CABLES2: variants seen among roughly 807,000 people sequenced by gnomAD.
CABLES2 encodes the protein Cdk5 and Abl enzyme substrate 2, also known as CDK5 and ABL1 enzyme substrate 2.
CABLES2 carries 35 observed loss-of-function variants against 44.8 expected under a neutral mutation model. The ratio of observed to expected loss-of-function variants is 0.78; its 90% confidence interval spans 0.60 to 1.04. CABLES2 has a LOEUF of 1.04. CABLES2 is among the 50% of genes least tolerant of loss of function. The pLI, the probability that CABLES2 is intolerant of heterozygous loss-of-function variation, is 0.00. For synonymous variants in CABLES2, 282 were observed against 281.1 expected, an observed-to-expected ratio of 1.00 and a Z score of -0.03; for missense variants, 566 against 615.7, an observed-to-expected ratio of 0.92 and a Z score of 0.85.
Position 62,394,164 on chromosome 20 carries a change from T to C in CABLES2, c.707A>G (p.Asp236Gly). Residue 236 changes from aspartate to glycine, a missense_variant, in exon 5 of 10, where the codon GAC becomes GGC. Asp to Gly is a moderately conservative substitution (Grantham distance 94). Around this residue, in one of 2 missense-constraint regions of CABLES2, gnomAD observed 436 missense variants for 536.3 expected, o/e 0.81. Coordinates refer to ENST00000279101, the MANE Select transcript of CABLES2 (RefSeq NM_031215.3). ...FELEGVELGADGKVVSYAKFL... is the reference protein window; with the variant it reads ...FELEGVELGAGGKVVSYAKFL... ...CAGCGAAGAGGCTCTTACCTTCCCG[T>C]CTGCTCCTAGCTCCACACCTTCTAG... The C allele has an allele frequency of 6.2e-7, 1 of 1,613,194 alleles. No individual in the cohort carries two copies. The highest frequency in any genetic ancestry group is 8.5e-7 in the Non-Finnish European group (1 of 1,179,814).
chr20:62,393,968 C>G (rs1425390563), intron 5 of CABLES2, among the ~76,000 whole-genome samples, 189 bp downstream of exon 5: 1 of 152,160 alleles, frequency 6.6e-6, no homozygotes, highest in Non-Finnish European at 1.5e-5. Context: ...CACGGCCAGG[C>G]GGGGGAGTCC....
At chr20:62,394,358 G>C (rs1441911976) in intron 4 of CABLES2, 93 bp from the exon 5 acceptor site, 1 of 951,216 alleles carries the variant, frequency 1.1e-6, no homozygotes. Flanking sequence ...AGGTGCTCTC[G>C]GGAACAATGT....
chr20:62,396,755 G>A lies in CABLES2; in HGVS notation c.363-163C>T, dbSNP rs1988029226. On this transcript the variant is annotated intron_variant, in intron 1 of 9. Transcript: ENST00000279101. This position sits in a 1 kb window ranked among gnomAD's most constrained non-coding sequence, Gnocchi z 5.7. ...CAGAGCCCATGCAGACTGAGGCGGG[G>A]AGGAGGGGCACCTCCTGCCTTGAGA... 6.6e-6 allele frequency among the ~76,000 whole-genome samples: 1 copy of A among 152,178 alleles called. No individual in the cohort carries two copies. The highest frequency in any genetic ancestry group is 2.1e-4 in the South Asian group (1 of 4,836).
Position 62,391,741 on chromosome 20 carries a change from C to T in CABLES2, c.1092-288G>A, listed in dbSNP as rs1240222308. ...GTGGAGCCACAGAGGACAGGCTCTGCTCTCGGTGGGGGGCAGTGGTCTCTG... is the reference window on the plus strand; with the variant it reads ...GTGGAGCCACAGAGGACAGGCTCTGTTCTCGGTGGGGGGCAGTGGTCTCTG... On this transcript the variant is annotated intron_variant, in intron 8 of 9. Coordinates refer to ENST00000279101, the MANE Select transcript of CABLES2 (RefSeq NM_031215.3). The surrounding 1 kb of genome is among the most constrained non-coding windows in gnomAD (Gnocchi z 5.7). Among the ~76,000 whole-genome samples, 2 of 151,996 alleles carry T rather than the reference C, an allele frequency of 1.3e-5. No homozygotes were observed. The highest frequency in any genetic ancestry group is 3.9e-4 in the East Asian group (2 of 5,170).
At position 62,390,892 on chromosome 20, in the gene CABLES2, G is replaced by C; in HGVS notation, c.*79C>G. On this transcript the variant is annotated 3_prime_UTR_variant, in exon 10 of 10. Coordinates refer to ENST00000279101, the MANE Select transcript of CABLES2 (RefSeq NM_031215.3). ...GCAGGTGCTGGGGGTGCTGGCAGGA[G>C]GAGGCGCGGGGCTTCAGTGGGACAC... 1 of 1,559,618 alleles carries C rather than the reference G, an allele frequency of 6.4e-7. No homozygotes were observed. The highest frequency in any genetic ancestry group is 8.8e-7 in the Non-Finnish European group (1 of 1,139,248).
At position 62,396,281 on chromosome 20, in the gene CABLES2, C is replaced by T. The variant is rs199767776; in HGVS notation, c.527+34G>A. The T allele has an allele frequency of 5.9e-5, 94 of 1,583,654 alleles. No homozygotes were observed. The African/African-American group carries it at 9.8e-4, about 17-fold the overall frequency. Reference sequence around the variant, plus strand: ...GGACCCCGTGGGCTTATGGAGACCACAGCCCTGGCCCGGTTCCCGGCTCCG... The same window carrying T: ...GGACCCCGTGGGCTTATGGAGACCATAGCCCTGGCCCGGTTCCCGGCTCCG... On this transcript the variant is annotated intron_variant, in intron 3 of 9. Coordinates refer to ENST00000279101, the MANE Select transcript of CABLES2 (RefSeq NM_031215.3). The surrounding 1 kb of genome is among the most constrained non-coding windows in gnomAD (Gnocchi z 5.7).
chr20:62,392,230 T>G (rs972012718), intron 8 of CABLES2, among the ~76,000 whole-genome samples, 159 bp downstream of exon 8: 16 of 25,230 alleles, frequency 6.3e-4, no homozygotes, highest in South Asian at 1.0e-3. Context: ...GCGGTGGAGG[T>G]GGGGGAGCTG....
intron 4 of CABLES2, 23 bp downstream of exon 4, chr20:62,394,914 C>T (rs375959062): frequency 6.2e-6 from 10 of 1,607,008 alleles, no homozygotes; most frequent in African/African-American, 1.3e-5. Context: ...ACACCGCATG[C>T]GAGGCAAGCG....
At chr20:62,400,309 C>A (rs984255536) in intron 1 of CABLES2, among the ~76,000 whole-genome samples, 6 of 152,152 alleles carry the variant, frequency 3.9e-5, no homozygotes, top group African/African-American at 9.7e-5. Context: ...GGGTAGGCAG[C>A]AGGCTCTGAG....
chr20:62,394,223 G>A lies in CABLES2; in HGVS notation c.648C>T (p.Gly216=), dbSNP rs781407668. Residue 216 remains glycine (G), a synonymous_variant, in exon 5 of 10, where the codon GGC becomes GGT. Coordinates refer to ENST00000279101, the MANE Select transcript of CABLES2 (RefSeq NM_031215.3). ...VDSQKQRHPS[G]GVSVSSEMVF... ...CCATCTCGGAAGACACAGAGACGCC[G>A]CCGGACGGGTGCCTCTGCTTCTGGC... 6.2e-6 allele frequency: 10 copies of A among 1,613,386 alleles called. No homozygotes were observed. In the East Asian group the frequency reaches 1.6e-4, roughly 25 times the overall value.
At chr20:62,398,056 CG>C (rs1988076912) in intron 1 of CABLES2, among the ~76,000 whole-genome samples, 1 of 51,098 alleles carries the variant, frequency 2.0e-5, no homozygotes, top group African/African-American at 6.8e-5. Context: ...GTGGTGATGG[CG>C]ATGGTGGTGG....
chr20:62,396,440 C>T lies in CABLES2; in HGVS notation c.435-33G>A. The T allele has an allele frequency of 6.2e-7, 1 of 1,613,450 alleles. No individual in the cohort carries two copies. Among genetic ancestry groups the T allele is most frequent in the Non-Finnish European group, 8.5e-7 (1 of 1,179,476 alleles). Reference sequence around the variant, plus strand: ...GCAAAGGACACAGGTCACTCTTTTCCTCCCAGGACCCTCTGGCCCCGCAGG... The same window carrying T: ...GCAAAGGACACAGGTCACTCTTTTCTTCCCAGGACCCTCTGGCCCCGCAGG... On this transcript the variant is annotated intron_variant, in intron 2 of 9. Coordinates refer to ENST00000279101, the MANE Select transcript of CABLES2 (RefSeq NM_031215.3). This position sits in a 1 kb window ranked among gnomAD's most constrained non-coding sequence, Gnocchi z 5.7.
Position 62,395,005 on chromosome 20 carries a change from G to A in CABLES2, c.537C>T (p.Leu179=), listed in dbSNP as rs776201668. The part of the protein sequence containing the change: ...QYDTRNSRIV[L]ICAKRSLCAA... ...CGCACAGGGACCGCTTGGCACAGAT[G>A]AGCACGATCCTGCAGGGGGACGGAG... is the stretch of plus-strand genomic sequence containing the variant. Residue 179 remains leucine (L), a synonymous_variant, in exon 4 of 10, where the codon CTC becomes CTT. Coordinates refer to ENST00000279101, the MANE Select transcript of CABLES2 (RefSeq NM_031215.3). 11 of 1,612,778 alleles carry A rather than the reference G, an allele frequency of 6.8e-6. No individual in the cohort carries two copies. The highest frequency in any genetic ancestry group is 9.3e-6 in the Non-Finnish European group (11 of 1,179,908).
rs149181561 is a variant in CABLES2, at chr20:62,389,333, A to G, written c.*1638T>C. The stretch of plus-strand genomic sequence containing the variant: ...TTGATGGAAGGGGACGCTCCACAAT[A>G]AGAAAGAACAAAGGCTTTGGTTTGT... On this transcript the variant is annotated 3_prime_UTR_variant, in exon 10 of 10. Coordinates refer to ENST00000279101, the MANE Select transcript of CABLES2 (RefSeq NM_031215.3). 4.6e-5 allele frequency: 7 copies of G among 152,218 alleles called. No individual in the cohort carries two copies. Among genetic ancestry groups the G allele is most frequent in the African/African-American group, 1.7e-4 (7 of 41,396 alleles). 9.4% of individuals were successfully genotyped at this position (152,218 alleles called of 1,614,324 possible).
rs1051309432 is a variant in CABLES2 at position 62,388,804 on chromosome 20, G to A, written c.*2167C>T. On this transcript the variant is annotated 3_prime_UTR_variant, in exon 10 of 10. Coordinates refer to ENST00000279101, the MANE Select transcript of CABLES2 (RefSeq NM_031215.3). ...CCTGGTTCTGTATAGTCACAGCCGA[G>A]CTGAACACCTTAGCTCCGACACCTG... is the stretch of plus-strand genomic sequence containing the variant. The A allele has an allele frequency of 5.7e-5, 22 of 387,334 alleles. No homozygotes were observed. Among genetic ancestry groups the A allele is most frequent in the Non-Finnish European group, 6.2e-5 (13 of 211,354 alleles). The allele number at this position is 387,334 out of a possible 1,614,324, so 24.0% of individuals were successfully genotyped here. A position where few individuals can be genotyped will look rare whatever the true frequency, so the allele number is the denominator to read the frequency against.
chr20:62,403,872 T>G (rs2427321), intron 1 of CABLES2: 98,385 of 152,150 alleles, frequency 0.65, 34,417 homozygotes, highest in African/African-American at 0.91. Context: ...ACCGAGAAGT[T>G]ACTGTTCCCT....
intron 1 of CABLES2, among the ~76,000 whole-genome samples, chr20:62,400,815 G>A (rs971552853): frequency 9.9e-5 from 15 of 152,210 alleles, no homozygotes; most frequent in African/African-American, 2.4e-4. Flanking sequence ...TTTTCTGGTC[G>A]CTGCAGGAAT....
At chr20:62,401,877 A>G (rs1338638597) in intron 1 of CABLES2, among the ~76,000 whole-genome samples, 2 of 152,230 alleles carry the variant, frequency 1.3e-5, no homozygotes, top group East Asian at 1.9e-4. Context: ...TCCTGCGTGC[A>G]CCAGACCCCT....
At position 62,396,491 on chromosome 20, in the gene CABLES2, G is replaced by T. The variant is rs754357022; in HGVS notation, c.434+30C>A. The stretch of plus-strand genomic sequence containing the variant: ...GGTCAGTGGCAGCCCGAGCGGAGTC[G>T]TAGAGCTCGGGGCGGACGGGGGCGT... On this transcript the variant is annotated intron_variant, in intron 2 of 9. Transcript: ENST00000279101. This position sits in a 1 kb window ranked among gnomAD's most constrained non-coding sequence, Gnocchi z 5.7. 2.5e-6 allele frequency: 4 copies of T among 1,613,356 alleles called. No homozygotes were observed. The Admixed American group carries it at 5.0e-5, about 20-fold the overall frequency.
Sources: allele counts gnomAD v4.1 joint callset (sites outside exome capture counted in the v4.1 genomes callset), GRCh38; gene constraint gnomAD v4.1.1; regional missense constraint gnomAD v4.1.1; non-coding constraint Gnocchi (gnomAD v3.1); transcripts MANE v1.5; gene names NCBI Gene and HGNC (gene_info 2026-07-23, HGNC 2026-07-21).